Variants in PAFAH1B1 observed in about 807,000 individuals in gnomAD.
PAFAH1B1 encodes platelet-activating factor acetylhydrolase IB subunit beta.
PAFAH1B1 carries 2 observed loss-of-function variants against 57.5 expected under a neutral mutation model. The ratio of observed to expected loss-of-function variants is 0.03; its 90% confidence interval spans 0.01 to 0.11. The LOEUF (loss-of-function observed/expected upper bound fraction) is 0.11, where lower values mean the gene tolerates loss of function less well. Among genes scored for constraint, PAFAH1B1 ranks in the 10% least tolerant of loss-of-function variants. The pLI, the probability that PAFAH1B1 is intolerant of heterozygous loss-of-function variation, is 1.00. For missense variants in PAFAH1B1, 257 were observed against 512.0 expected (o/e 0.50, Z 4.81); for synonymous variants, 152 against 169.6 (o/e 0.90, Z 0.81).
At chr17:2,604,124 A>C (rs1284523218) in intron 1 of PAFAH1B1, among the ~76,000 whole-genome samples, 1 of 150,050 alleles carries the variant, frequency 6.7e-6, no homozygotes, top group Admixed American at 6.7e-5. Flanking sequence ...TGCAACCTCC[A>C]CCTCCCAGGT....
chr17:2,601,311 A>G (rs2068141440), intron 1 of PAFAH1B1, among the ~76,000 whole-genome samples: 1 of 149,896 alleles, frequency 6.7e-6, no homozygotes, highest in African/African-American at 2.5e-5. Context: ...AGTTTTTTGT[A>G]TTTTTAATAG....
Position 2,595,477 on chromosome 17 carries a change from CAT to C in PAFAH1B1, c.-191+1473_-191+1474del, listed in dbSNP as rs543168607. Among the ~76,000 whole-genome samples, 539 of 147,980 alleles carry C rather than the reference CAT, an allele frequency of 3.6e-3. 2 individuals are homozygous for C. The highest frequency in any genetic ancestry group is 0.013 in the African/African-American group (509 of 40,024). On this transcript the variant is annotated intron_variant, in intron 1 of 10. Coordinates refer to ENST00000397195, the MANE Select transcript of PAFAH1B1 (RefSeq NM_000430.4). Reference sequence around the variant, plus strand: ...GCTTAATTGCTGCGGGGTCCAGTCTCATAATCAGGAAAATTTCCTGTTGACTG... The same window carrying C: ...GCTTAATTGCTGCGGGGTCCAGTCTCAATCAGGAAAATTTCCTGTTGACTG...
intron 7 of PAFAH1B1, among the ~76,000 whole-genome samples, 179 bp downstream of exon 7, chr17:2,672,936 C>T (rs563496788): frequency 3.0e-4 from 46 of 152,126 alleles, no homozygotes; most frequent in Non-Finnish European, 2.1e-4. Flanking sequence ...GGTGTGGTGG[C>T]GCACACCTGT....
chr17:2,629,761 C>T (rs1425966661), intron 1 of PAFAH1B1, among the ~76,000 whole-genome samples: 1 of 152,182 alleles, frequency 6.6e-6, no homozygotes, highest in Admixed American at 6.5e-5. Flanking sequence ...AATTTGGGCA[C>T]TCCAGTGTTA....
At chr17:2,640,610 C>A (rs1348566910) in intron 2 of PAFAH1B1, 1 of 151,742 alleles carries the variant, frequency 6.6e-6, no homozygotes, top group Non-Finnish European at 1.5e-5. Context: ...CACCACCACA[C>A]CCGGCTTATT....
intron 1 of PAFAH1B1, among the ~76,000 whole-genome samples, chr17:2,637,061 G>C (rs2068634151): frequency 6.6e-6 from 1 of 151,960 alleles, no homozygotes; most frequent in Non-Finnish European, 1.5e-5. Context: ...ATTCATTACT[G>C]TATTCTCAGT....
At chr17:2,662,393 TG>T (rs1383322941) in intron 2 of PAFAH1B1, among the ~76,000 whole-genome samples, 1 of 143,982 alleles carries the variant, frequency 6.9e-6, no homozygotes, top group Non-Finnish European at 1.5e-5. Flanking sequence ...TGTGTGTGTG[TG>T]TGTGTGTGTG....
In PAFAH1B1 at chr17:2,654,290, A is replaced by G. The variant is rs559048265; in HGVS notation, c.33-11082A>G. ...CTGCAACCCCTGTCTCCCAGGTTCA[A>G]TCAATTCTCCTGCCTCAACCTCCTG... On this transcript the variant is annotated intron_variant, in intron 2 of 10. Transcript: ENST00000397195. Among the ~76,000 whole-genome samples the G allele has an allele frequency of 3.8e-4, 57 of 150,208 alleles. No homozygotes were observed. The South Asian group carries it at 4.4e-3, about 12-fold the overall frequency.
intron 1 of PAFAH1B1, among the ~76,000 whole-genome samples, chr17:2,605,900 T>G (rs2068200137): frequency 6.6e-6 from 1 of 152,208 alleles, no homozygotes; most frequent in Non-Finnish European, 1.5e-5. Context: ...TGAGGTGACC[T>G]TTGCTTTCTG....
chr17:2,632,060 A>G (rs1218622481), intron 1 of PAFAH1B1, among the ~76,000 whole-genome samples: 1 of 152,106 alleles, frequency 6.6e-6, no homozygotes, highest in African/African-American at 2.4e-5. Context: ...CAGACATGAT[A>G]TTATTTTACT....
At chr17:2,598,336 C>A (rs1364676843) in intron 1 of PAFAH1B1, among the ~76,000 whole-genome samples, 2 of 152,126 alleles carry the variant, frequency 1.3e-5, no homozygotes, top group Non-Finnish European at 2.9e-5. Context: ...TTTTCAATAT[C>A]TTCCCATTGA....
At chr17:2,668,598 G>A (rs2069139219) in intron 5 of PAFAH1B1, among the ~76,000 whole-genome samples, 1 of 151,866 alleles carries the variant, frequency 6.6e-6, no homozygotes, top group South Asian at 2.1e-4. Flanking sequence ...AGGATCACAT[G>A]AGCCTGGGAG....
At chr17:2,676,339 C>T (rs191825772) in intron 8 of PAFAH1B1, 166 bp from the exon 9 acceptor site, 23 of 592,124 alleles carry the variant, frequency 3.9e-5, no homozygotes, top group Middle Eastern at 4.6e-4. Context: ...GATTGCACCA[C>T]GGTACTCCAG....
intron 1 of PAFAH1B1, among the ~76,000 whole-genome samples, chr17:2,623,532 A>G (rs1258036773): frequency 6.6e-6 from 1 of 151,734 alleles, no homozygotes; most frequent in Non-Finnish European, 1.5e-5. Context: ...TCCTGGGATT[A>G]CAGGCGTGAG....
rs567293066 is a variant in PAFAH1B1, at chr17:2,594,157, C to T, written c.-191+151C>T. Among the ~76,000 whole-genome samples the T allele has an allele frequency of 6.6e-3, 1,002 of 151,960 alleles. 6 individuals are homozygous for T. Among genetic ancestry groups the T allele is most frequent in the South Asian group, 0.022 (105 of 4,822 alleles). On this transcript the variant is annotated intron_variant, in intron 1 of 10. Transcript: ENST00000397195. ...CTGCCTCCGCCGCCGCCTCCTCCTTCTTCTTCTCTCCTCGCTCTCAAAATG... is the reference window on the plus strand; with the variant it reads ...CTGCCTCCGCCGCCGCCTCCTCCTTTTTCTTCTCTCCTCGCTCTCAAAATG...
At chr17:2,611,762 T>G (rs2068269665) in intron 1 of PAFAH1B1, among the ~76,000 whole-genome samples, 1 of 152,196 alleles carries the variant, frequency 6.6e-6, no homozygotes, top group African/African-American at 2.4e-5. Context: ...AGTAGTTGTT[T>G]AGAAACACTA....
At chr17:2,663,981 C>A (rs558901769) in intron 2 of PAFAH1B1, among the ~76,000 whole-genome samples, 29 of 152,208 alleles carry the variant, frequency 1.9e-4, no homozygotes, top group Middle Eastern at 3.4e-3. Flanking sequence ...GCGTGAGCCA[C>A]CGCTCCCAGC....
intron 5 of PAFAH1B1, among the ~76,000 whole-genome samples, chr17:2,669,554 C>T (rs537532900): frequency 1.3e-5 from 2 of 152,254 alleles, no homozygotes; most frequent in Middle Eastern, 3.4e-3. Flanking sequence ...CCACTGCGCC[C>T]GGCCATATTT....
chr17:2,654,580 T>C (rs1025909200), intron 2 of PAFAH1B1, among the ~76,000 whole-genome samples: 2 of 152,128 alleles, frequency 1.3e-5, no homozygotes, highest in African/African-American at 2.4e-5. Flanking sequence ...TGCCTTAAGG[T>C]AAAAAATTAA....
Sources: allele counts gnomAD v4.1 joint callset (sites outside exome capture counted in the v4.1 genomes callset), GRCh38; gene constraint gnomAD v4.1.1; transcripts MANE v1.5; gene names NCBI Gene and HGNC (gene_info 2026-07-23, HGNC 2026-07-21).